SEMA3E: variants seen among roughly 807,000 people sequenced by gnomAD.
SEMA3E encodes the protein semaphorin-3E.
SEMA3E carries 49 observed loss-of-function variants against 93.6 expected under a neutral mutation model. The observed-to-expected ratio is 0.52, with a 90% confidence interval of 0.42 to 0.66. The LOEUF (loss-of-function observed/expected upper bound fraction) is 0.66. Among genes scored for constraint, SEMA3E ranks in the 30% least tolerant of loss-of-function variants. SEMA3E has a pLI of 0.00. For missense variants in SEMA3E, 906 were observed against 964.8 expected (o/e 0.94, Z 0.81); for synonymous variants, 363 against 330.7 (o/e 1.10, Z -1.06).
chr7:83,411,027 A>G (rs369556748), intron 5 of SEMA3E, among the ~76,000 whole-genome samples: 10 of 152,098 alleles, frequency 6.6e-5, no homozygotes, highest in African/African-American at 7.2e-5. Context: ...AGTATTTTAG[A>G]CTTTGATAAT....
At chr7:83,414,591 T>C (rs147620728) in intron 5 of SEMA3E, among the ~76,000 whole-genome samples, 31 of 152,270 alleles carry the variant, frequency 2.0e-4, no homozygotes, top group African/African-American at 7.2e-4. Context: ...GAAAAATTCA[T>C]GGACTATAAA....
intron 1 of SEMA3E, among the ~76,000 whole-genome samples, chr7:83,612,059 A>G (rs778694123): frequency 1.3e-5 from 2 of 152,074 alleles, no homozygotes; most frequent in African/African-American, 2.4e-5. Context: ...TCTGTCCACA[A>G]TGCTTTCCTT....
chr7:83,442,224 C>G (rs1789129074), intron 4 of SEMA3E, among the ~76,000 whole-genome samples: 1 of 152,146 alleles, frequency 6.6e-6, no homozygotes, highest in African/African-American at 2.4e-5. Flanking sequence ...AGAAGTCAAA[C>G]AAATAATATT....
At chr7:83,580,379 A>G (rs577510765) in intron 1 of SEMA3E, among the ~76,000 whole-genome samples, 1 of 152,148 alleles carries the variant, frequency 6.6e-6, no homozygotes, top group African/African-American at 2.4e-5. Context: ...TAGAACCTAT[A>G]GAATCATTCT....
At position 83,539,855 on chromosome 7, in the gene SEMA3E, CTGTGTGTGTG is replaced by C. The variant is rs59200828; in HGVS notation, c.116-49591_116-49582del. On this transcript the variant is annotated intron_variant, in intron 1 of 16. Coordinates refer to ENST00000643230, the MANE Select transcript of SEMA3E (RefSeq NM_012431.3). ...ACTTTTTTGTTTTGTTTTGTTGTTT[CTGTGTGTGTG>C]TGTGTGTGTGTGTGTGTGTGTGTGT... Among the ~76,000 whole-genome samples, 20 of 122,748 alleles carry C rather than the reference CTGTGTGTGTG, an allele frequency of 1.6e-4. No individual in the cohort carries two copies. The East Asian group carries it at 1.9e-3, about 11-fold the overall frequency. 80.5% of individuals were successfully genotyped at this position (122,748 alleles called of 152,430 possible).
At chr7:83,398,982 C>CA (rs778156319) in intron 11 of SEMA3E, among the ~76,000 whole-genome samples, 13 of 151,956 alleles carry the variant, frequency 8.6e-5, no homozygotes, top group East Asian at 3.9e-4. Context: ...AAAAAAGCCA[C>CA]AAAAAACAAA....
At position 83,363,859 on chromosome 7, in the gene SEMA3E, C is replaced by CTTTTTTTTTTTTT. The variant is rs1562743425; in HGVS notation, c.*3726_*3727insAAAAAAAAAAAAA. 9.9e-6 allele frequency: 1 copy of CTTTTTTTTTTTTT among 100,556 alleles called. No homozygotes were observed. Among genetic ancestry groups the CTTTTTTTTTTTTT allele is most frequent in the African/African-American group, 4.7e-5 (1 of 21,428 alleles). The allele number at this position is 100,556 out of a possible 1,614,324, so 6.2% of individuals were successfully genotyped here. A position where few individuals can be genotyped will look rare whatever the true frequency, so the allele number is the denominator to read the frequency against. On this transcript the variant is annotated 3_prime_UTR_variant, in exon 17 of 17. Coordinates refer to ENST00000643230, the MANE Select transcript of SEMA3E (RefSeq NM_012431.3). ...AGGCTACAGGTGTCACAGGTCAATT[C>CTTTTTTTTTTTTT]ATTTTTTTTTTTTTTTTTTTTTTTT...
At chr7:83,379,084 A>G (rs1787719379) in intron 16 of SEMA3E, among the ~76,000 whole-genome samples, 1 of 151,834 alleles carries the variant, frequency 6.6e-6, no homozygotes, top group African/African-American at 2.4e-5. Context: ...CAAATGAAAT[A>G]ATGTCTTTCA....
intron 16 of SEMA3E, chr7:83,372,183 TC>T (rs1475079590): frequency 5.0e-6 from 2 of 397,374 alleles, no homozygotes; most frequent in Non-Finnish European, 8.9e-6. Flanking sequence ...TCCAGGTAAA[TC>T]CAATAATAAT....
At position 83,589,332 on chromosome 7, in the gene SEMA3E, A is replaced by G. The variant is rs189145930; in HGVS notation, c.115+59096T>C. Among the ~76,000 whole-genome samples, 443 of 152,250 alleles carry G rather than the reference A, an allele frequency of 2.9e-3. 1 individual carries two copies. The highest frequency in any genetic ancestry group is 0.017 in the Middle Eastern group (5 of 294). On this transcript the variant is annotated intron_variant, in intron 1 of 16. Coordinates refer to ENST00000643230, the MANE Select transcript of SEMA3E (RefSeq NM_012431.3). ...CTACCTGAGATTATTATTTATCCAG[A>G]TATCTATCCAGAGTATAATTATCTA...
intron 1 of SEMA3E, among the ~76,000 whole-genome samples, chr7:83,647,218 C>T (rs1360320914): frequency 6.6e-6 from 1 of 152,012 alleles, no homozygotes; most frequent in Non-Finnish European, 1.5e-5. Context: ...ATCCACTATT[C>T]TAAAAATGAA....
chr7:83,558,951 G>A (rs1428981021), intron 1 of SEMA3E, among the ~76,000 whole-genome samples: 1 of 152,080 alleles, frequency 6.6e-6, no homozygotes, highest in Non-Finnish European at 1.5e-5. Flanking sequence ...TGAAAATGAT[G>A]TTTTTTGACC....
At chr7:83,612,989 C>T (rs1793296733) in intron 1 of SEMA3E, among the ~76,000 whole-genome samples, 1 of 152,112 alleles carries the variant, frequency 6.6e-6, no homozygotes, top group South Asian at 2.1e-4. Flanking sequence ...TTGTCATTTG[C>T]TAGCTACATG....
chr7:83,516,901 T>C (rs1790938926), intron 1 of SEMA3E, among the ~76,000 whole-genome samples: 1 of 150,866 alleles, frequency 6.6e-6, no homozygotes, highest in Non-Finnish European at 1.5e-5. Context: ...TAATGTACAC[T>C]CATAAACACA....
chr7:83,608,820 G>T (rs1319360826), intron 1 of SEMA3E, among the ~76,000 whole-genome samples: 1 of 151,994 alleles, frequency 6.6e-6, no homozygotes, highest in African/African-American at 2.4e-5. Flanking sequence ...ACCCAACATG[G>T]TTATGGGCAT....
chr7:83,397,411 C>T lies in SEMA3E; in HGVS notation c.1367-682G>A, dbSNP rs112755522. Among the ~76,000 whole-genome samples, 304 of 151,996 alleles carry T rather than the reference C, an allele frequency of 2.0e-3. 3 individuals carry two copies. Among genetic ancestry groups the T allele is most frequent in the African/African-American group, 6.8e-3 (280 of 41,468 alleles). ...TTTACCAAAAGCTACTTTTATGGTACGAAACTATACCTTTAGTCTTAGGGA... is the reference window on the plus strand; with the variant it reads ...TTTACCAAAAGCTACTTTTATGGTATGAAACTATACCTTTAGTCTTAGGGA... On this transcript the variant is annotated intron_variant, in intron 11 of 16. Transcript: ENST00000643230.
rs571707424 is a variant in SEMA3E, at chr7:83,365,247, C to T, written c.*2339G>A. 6.6e-6 allele frequency: 1 copy of T among 152,054 alleles called. No individual in the cohort carries two copies. Among genetic ancestry groups the T allele is most frequent in the Non-Finnish European group, 1.5e-5 (1 of 67,994 alleles). The allele number at this position is 152,054 out of a possible 1,614,324, so 9.4% of individuals were successfully genotyped here. A position where few individuals can be genotyped will look rare whatever the true frequency, so the allele number is the denominator to read the frequency against. On this transcript the variant is annotated 3_prime_UTR_variant, in exon 17 of 17. Transcript: ENST00000643230. ...TTTCTCTCTCCCTTCGTCTTTCTCTCTCCCTCCCTCTTCTTTCCCATTTCT... is the reference window on the plus strand; with the variant it reads ...TTTCTCTCTCCCTTCGTCTTTCTCTTTCCCTCCCTCTTCTTTCCCATTTCT...
At chr7:83,487,631 G>T (rs1269378298) in intron 2 of SEMA3E, among the ~76,000 whole-genome samples, 2 of 151,302 alleles carry the variant, frequency 1.3e-5, no homozygotes, top group Non-Finnish European at 2.9e-5. Flanking sequence ...GCTGGAAAGA[G>T]ATCAACCAAG....
chr7:83,491,837 A>G (rs1304880601), intron 1 of SEMA3E, among the ~76,000 whole-genome samples: 2 of 151,992 alleles, frequency 1.3e-5, no homozygotes, highest in Admixed American at 1.3e-4. Flanking sequence ...GAAAAATTAG[A>G]GGTTCTTGAA....
Sources: allele counts gnomAD v4.1 joint callset (sites outside exome capture counted in the v4.1 genomes callset), GRCh38; gene constraint gnomAD v4.1.1; transcripts MANE v1.5; gene names NCBI Gene and HGNC (gene_info 2026-07-23, HGNC 2026-07-21).